FRMD6: variants seen among roughly 807,000 people sequenced by gnomAD.
FRMD6 encodes FERM domain containing 6.
In FRMD6, 37 loss-of-function variants were observed where a neutral mutation model predicts 73.2. The ratio of observed to expected loss-of-function variants is 0.51; its 90% CI spans 0.39 to 0.66. The LOEUF (loss-of-function observed/expected upper bound fraction) is 0.66, where lower values mean the gene tolerates loss of function less well. Ranked by LOEUF, FRMD6 falls within the 30% of genes least tolerant of loss-of-function variation. The pLI, the probability that FRMD6 is intolerant of heterozygous loss-of-function variation, is 0.00. For missense variants in FRMD6, 714 were observed against 780.5 expected, an observed-to-expected ratio of 0.91 and a Z score of 1.02; for synonymous variants, 273 against 282.2, an observed-to-expected ratio of 0.97 and a Z score of 0.33.
rs80209432 is a variant in FRMD6 at position 51,597,228 on chromosome 14, T to C, written c.-147+26818T>C. 3.2e-3 allele frequency among the ~76,000 whole-genome samples: 482 copies of C among 152,244 alleles called. 1 individual carries two copies. Among genetic ancestry groups the C allele is most frequent in the African/African-American group, 0.011 (457 of 41,532 alleles). On this transcript the variant is annotated intron_variant, in intron 2 of 14. Coordinates refer to the FRMD6 transcript ENST00000356218. ...TACCATAGAGAGCTTATCTTATGTT[T>C]AAAAAAATGAAATATATGCATACAT...
At chr14:51,663,493 C>A (rs915995502) in intron 1 of FRMD6, among the ~76,000 whole-genome samples, 1 of 152,190 alleles carries the variant, frequency 6.6e-6, no homozygotes, top group Non-Finnish European at 1.5e-5. Flanking sequence ...GGCCATTAAT[C>A]CTCAGCAAAC....
intron 2 of FRMD6, among the ~76,000 whole-genome samples, chr14:51,598,913 T>TG (rs1275617701): frequency 6.6e-6 from 1 of 152,156 alleles, no homozygotes; most frequent in African/African-American, 2.4e-5. Flanking sequence ...AAATACCCAG[T>TG]AATGGTATTA....
chr14:51,611,030 A>G (rs144028512), intron 2 of FRMD6, among the ~76,000 whole-genome samples: 7 of 152,270 alleles, frequency 4.6e-5, no homozygotes, highest in African/African-American at 1.7e-4. Context: ...CAGAACAAAT[A>G]CAATTATTGA....
At chr14:51,638,746 C>T (rs1891686247) in intron 2 of FRMD6, among the ~76,000 whole-genome samples, 1 of 152,158 alleles carries the variant, frequency 6.6e-6, no homozygotes, top group African/African-American at 2.4e-5. Context: ...CTTTTTTAGT[C>T]TGATCAATTT....
rs181652623 is a variant in FRMD6, at chr14:51,497,042, A to T, written c.-210+7622A>T. ...TACAATGTTGAAACAGGGACATGGTAACCTTAATATCCTCATTCAAAAAGG... is the reference window on the plus strand; with the variant it reads ...TACAATGTTGAAACAGGGACATGGTTACCTTAATATCCTCATTCAAAAAGG... On this transcript the variant is annotated intron_variant, in intron 1 of 14. Coordinates refer to the FRMD6 transcript ENST00000356218. Among the ~76,000 whole-genome samples the T allele has an allele frequency of 2.1e-3, 313 of 152,314 alleles. 1 individual carries two copies. Among genetic ancestry groups the T allele is most frequent in the Non-Finnish European group, 3.3e-3 (223 of 68,016 alleles).
the FRMD6 span, among the ~76,000 whole-genome samples, chr14:51,437,972 C>A: frequency 0.1 from 15,579 of 152,162 alleles, 934 homozygotes; most frequent in Non-Finnish European, 0.13. Context: ...TTCTCTGTAC[C>A]TTGGGCTCAG....
chr14:51,670,637 T>C (rs1178889982), intron 1 of FRMD6, among the ~76,000 whole-genome samples: 1 of 151,942 alleles, frequency 6.6e-6, no homozygotes, highest in Non-Finnish European at 1.5e-5. Flanking sequence ...TTTATATATT[T>C]AGTTAGGTCT....
At chr14:51,565,239 A>G (rs1887710368) in intron 1 of FRMD6, 1 of 152,250 alleles carries the variant, frequency 6.6e-6, no homozygotes, top group East Asian at 1.9e-4. Flanking sequence ...AACAATGCAA[A>G]TTGAATGGCC....
At chr14:51,659,212 G>T (rs1893044248) in intron 1 of FRMD6, among the ~76,000 whole-genome samples, 1 of 152,144 alleles carries the variant, frequency 6.6e-6, no homozygotes, top group South Asian at 2.1e-4. Context: ...TTCCTCATCA[G>T]TAAAGTGGGA....
At chr14:51,580,238 T>G (rs1888645262) in intron 2 of FRMD6, among the ~76,000 whole-genome samples, 1 of 152,122 alleles carries the variant, frequency 6.6e-6, no homozygotes, top group Admixed American at 6.6e-5. Context: ...ACACCTGCCC[T>G]GCTCATTGGA....
intron 12 of FRMD6, among the ~76,000 whole-genome samples, chr14:51,725,024 T>G (rs931453114): frequency 2.6e-5 from 4 of 152,176 alleles, no homozygotes; most frequent in African/African-American, 9.7e-5. Context: ...TACTGAATTT[T>G]CACTGTGGCC....
intron 1 of FRMD6, among the ~76,000 whole-genome samples, chr14:51,670,413 A>T (rs1192391728): frequency 6.6e-6 from 1 of 152,180 alleles, no homozygotes; most frequent in Non-Finnish European, 1.5e-5. Context: ...AATAGTGTAC[A>T]GAGTCTCCCA....
At chr14:51,576,944 AG>A (rs995941990) in intron 2 of FRMD6, among the ~76,000 whole-genome samples, 3 of 152,192 alleles carry the variant, frequency 2.0e-5, no homozygotes, top group African/African-American at 7.2e-5. Flanking sequence ...GAAATAACAG[AG>A]GGGAGAGGAT....
At chr14:51,561,222 C>A (rs1325401715) in intron 1 of FRMD6, among the ~76,000 whole-genome samples, 14 of 152,226 alleles carry the variant, frequency 9.2e-5, no homozygotes, top group Admixed American at 9.2e-4. Flanking sequence ...TTCAGCCTCA[C>A]ATGATTTCTT....
intron 2 of FRMD6, among the ~76,000 whole-genome samples, chr14:51,608,678 C>G (rs1485361498): frequency 6.6e-6 from 1 of 152,170 alleles, no homozygotes; most frequent in East Asian, 1.9e-4. Flanking sequence ...TACCCTCATT[C>G]ACCTTTTCCT....
chr14:51,569,733 C>G (rs979082509), intron 1 of FRMD6, among the ~76,000 whole-genome samples: 1 of 151,594 alleles, frequency 6.6e-6, no homozygotes, highest in East Asian at 1.9e-4. Flanking sequence ...AACTCCTAGG[C>G]TCAAGTGATG....
chr14:51,687,057 T>G (rs1174826184), intron 1 of FRMD6, among the ~76,000 whole-genome samples: 1 of 152,106 alleles, frequency 6.6e-6, no homozygotes, highest in Non-Finnish European at 1.5e-5. Context: ...TTTATTACAT[T>G]TGCTTCAATA....
chr14:51,528,261 A>G, intron 1 of FRMD6, among the ~76,000 whole-genome samples: 1 of 152,186 alleles, frequency 6.6e-6, no homozygotes, highest in East Asian at 1.9e-4. Flanking sequence ...GCTGAGGGGT[A>G]GAGCAACTTG....
intron 6 of FRMD6, 95 bp from the exon 7 acceptor site, chr14:51,707,983 T>G: frequency 8.3e-7 from 1 of 1,199,546 alleles, no homozygotes; most frequent in Non-Finnish European, 1.2e-6. Flanking sequence ...ACATGGCCTA[T>G]TTTAGCTTCT....
Sources: allele counts gnomAD v4.1 joint callset (sites outside exome capture counted in the v4.1 genomes callset), GRCh38; gene constraint gnomAD v4.1.1; transcripts MANE v1.5; gene names NCBI Gene and HGNC (gene_info 2026-07-23, HGNC 2026-07-21).